Variants in RIMBP2 observed in about 807,000 individuals in gnomAD.
RIMBP2 encodes the protein RIMS-binding protein 2.
Under a neutral mutation model 118.6 loss-of-function variants are expected in RIMBP2, and 48 were observed. That is an observed-to-expected ratio of 0.40 (90% CI 0.32 to 0.51). The LOEUF (loss-of-function observed/expected upper bound fraction) is 0.51. Ranked by LOEUF, RIMBP2 falls within the 20% of genes least tolerant of loss-of-function variation. RIMBP2 has a pLI of 0.41. For synonymous variants in RIMBP2, 762 were observed against 742.9 expected (o/e 1.03, Z -0.42); for missense variants, 1,551 against 1,768.3 (o/e 0.88, Z 2.20).
chr12:130,457,619 G>T (rs760177154), intron 6 of RIMBP2, among the ~76,000 whole-genome samples: 3 of 152,188 alleles, frequency 2.0e-5, no homozygotes, highest in African/African-American at 7.2e-5. Flanking sequence ...CTCACCCCGC[G>T]TTCCTTTCTC....
chr12:130,582,935 C>A (rs1350022512), intron 2 of RIMBP2, among the ~76,000 whole-genome samples: 1 of 152,204 alleles, frequency 6.6e-6, no homozygotes, highest in African/African-American at 2.4e-5. Context: ...CTGTGACTGA[C>A]TGTAAAAGCA....
intron 1 of RIMBP2, among the ~76,000 whole-genome samples, chr12:130,677,770 G>A (rs956460004): frequency 3.9e-5 from 6 of 152,142 alleles, no homozygotes; most frequent in Admixed American, 6.5e-5. Flanking sequence ...GAGCCAAACC[G>A]GACCACTGTG....
intron 2 of RIMBP2, among the ~76,000 whole-genome samples, chr12:130,567,460 G>A (rs1009479422): frequency 7.2e-5 from 11 of 152,202 alleles, no homozygotes; most frequent in Non-Finnish European, 1.0e-4. Flanking sequence ...AGCCTGGAGC[G>A]TGTCTTGCCT....
intron 4 of RIMBP2, among the ~76,000 whole-genome samples, chr12:130,484,623 G>T (rs770727366): frequency 2.0e-5 from 3 of 152,182 alleles, no homozygotes; most frequent in Non-Finnish European, 4.4e-5. Context: ...TAATCAAACT[G>T]CCGCCTTCAT....
At chr12:130,592,869 C>T (rs2059355913) in intron 2 of RIMBP2, among the ~76,000 whole-genome samples, 1 of 152,062 alleles carries the variant, frequency 6.6e-6, no homozygotes, top group Non-Finnish European at 1.5e-5. Flanking sequence ...GGTGAGGATC[C>T]GGGCTGCGAT....
chr12:130,451,208 C>A lies in RIMBP2; in HGVS notation c.491G>T (p.Arg164Ile), dbSNP rs754033275. Residue 164 changes from arginine to isoleucine, a missense_variant, in exon 8 of 23, where the codon AGA becomes ATA. Transcript: ENST00000690449. Reference sequence around the variant, plus strand: ...GACGGGACTCACGTCTGACTCAGATCTGCATCTTGCGCTACCGGATCTCGA... The same window carrying A: ...GACGGGACTCACGTCTGACTCAGATATGCATCTTGCGCTACCGGATCTCGA... ...FLSRSGSARCRSESDMENERN... is the reference protein window; with the variant it reads ...FLSRSGSARCISESDMENERN... 6.8e-6 allele frequency: 11 copies of A among 1,613,878 alleles called. No individual in the cohort carries two copies. Among genetic ancestry groups the A allele is most frequent in the African/African-American group, 1.3e-5 (1 of 74,944 alleles).
intron 3 of RIMBP2, among the ~76,000 whole-genome samples, chr12:130,512,436 C>A (rs1319706460): frequency 6.6e-6 from 1 of 152,174 alleles, no homozygotes; most frequent in African/African-American, 2.4e-5. Flanking sequence ...GATGATTATG[C>A]CTTAGCCTCC....
chr12:130,532,311 G>A (rs373241250), intron 2 of RIMBP2, among the ~76,000 whole-genome samples: 1,288 of 72,962 alleles, frequency 0.018, 2 homozygotes, highest in African/African-American at 0.027. Flanking sequence ...TGAGATGCGT[G>A]TGTTTAGCCT....
At chr12:130,456,818 AC>A in intron 6 of RIMBP2, 118 bp from the exon 7 acceptor site, 1 of 713,136 alleles carries the variant, frequency 1.4e-6, no homozygotes, top group Non-Finnish European at 2.3e-6. Flanking sequence ...GTGTGTACAC[AC>A]GTGTTGTGTC....
At position 130,446,512 on chromosome 12, in the gene RIMBP2, G is replaced by A. The variant is rs2078534912; in HGVS notation, c.582-1243C>T. Among the ~76,000 whole-genome samples the A allele has an allele frequency of 2.0e-5, 3 of 152,152 alleles. No homozygotes were observed. In the South Asian group the frequency reaches 6.2e-4, roughly 32 times the overall value. On this transcript the variant is annotated intron_variant, in intron 9 of 22. Coordinates refer to ENST00000690449, the MANE Select transcript of RIMBP2 (RefSeq NM_001393629.1). This position sits in a 1 kb window ranked among gnomAD's most constrained non-coding sequence, Gnocchi z 4.1. ...CACACCAGGTCACGTGGCCCCTCAT[G>A]GTCAGGGTGCAGAGGTCCAGGAACC... is the stretch of plus-strand genomic sequence containing the variant.
chr12:130,598,364 G>A (rs754925269), intron 2 of RIMBP2, among the ~76,000 whole-genome samples: 33 of 151,394 alleles, frequency 2.2e-4, no homozygotes, highest in Non-Finnish European at 3.2e-4. Flanking sequence ...TGCTTTTTTT[G>A]TAGAAATTGA....
chr12:130,701,916 G>A (rs188538346), intron 1 of RIMBP2, among the ~76,000 whole-genome samples: 2 of 151,974 alleles, frequency 1.3e-5, no homozygotes, highest in Admixed American at 6.6e-5. Context: ...GCCCACACAC[G>A]TATGTTCTAG....
chr12:130,664,346 C>T (rs1005316493), intron 1 of RIMBP2, among the ~76,000 whole-genome samples: 4 of 151,158 alleles, frequency 2.6e-5, no homozygotes, highest in East Asian at 3.9e-4. Context: ...GAAATACACA[C>T]ACACATGCAC....
chr12:130,537,473 CAT>C (rs1381014965), intron 2 of RIMBP2, among the ~76,000 whole-genome samples: 25 of 152,346 alleles, frequency 1.6e-4, no homozygotes, highest in South Asian at 8.3e-4. Flanking sequence ...AGAACCCCCA[CAT>C]GTTTGCCATA....
intron 6 of RIMBP2, among the ~76,000 whole-genome samples, chr12:130,461,685 T>G (rs1293348636): frequency 6.6e-6 from 1 of 152,058 alleles, no homozygotes; most frequent in Non-Finnish European, 1.5e-5. Context: ...ATGAGCAGGC[T>G]AAGTTCACAC....
intron 1 of RIMBP2, among the ~76,000 whole-genome samples, chr12:130,680,334 C>G (rs921980903): frequency 6.6e-6 from 1 of 152,178 alleles, no homozygotes; most frequent in African/African-American, 2.4e-5. Context: ...TGAGAAAGCT[C>G]CTGTGTGCCA....
At chr12:130,704,317 T>C (rs1261471929) in intron 1 of RIMBP2, among the ~76,000 whole-genome samples, 1 of 152,216 alleles carries the variant, frequency 6.6e-6, no homozygotes, top group African/African-American at 2.4e-5. Context: ...GGTTCATGCC[T>C]GTAATCCCAG....
chr12:130,497,832 C>T (rs1296888243), intron 4 of RIMBP2, among the ~76,000 whole-genome samples: 1 of 152,202 alleles, frequency 6.6e-6, no homozygotes, highest in Non-Finnish European at 1.5e-5. Context: ...GATCAGACTC[C>T]TGTGCCAGGA....
chr12:130,658,076 C>T (rs1478235622), intron 1 of RIMBP2: 1 of 152,330 alleles, frequency 6.6e-6, no homozygotes, highest in Non-Finnish European at 1.5e-5. Flanking sequence ...ACGACTCCGT[C>T]CCACCTTCCC....
Sources: allele counts gnomAD v4.1 joint callset (sites outside exome capture counted in the v4.1 genomes callset), GRCh38; gene constraint gnomAD v4.1.1; non-coding constraint Gnocchi (gnomAD v3.1); transcripts MANE v1.5; gene names NCBI Gene and HGNC (gene_info 2026-07-23, HGNC 2026-07-21).